TBL1X: variants seen among roughly 807,000 people sequenced by gnomAD.
TBL1X encodes F-box-like/WD repeat-containing protein TBL1X.
A neutral mutation model predicts 50.7 loss-of-function variants in TBL1X; 10 were observed. The ratio of observed to expected loss-of-function variants is 0.20; its 90% CI spans 0.12 to 0.33. The LOEUF is 0.33. Among genes scored for constraint, TBL1X ranks in the 10% least tolerant of loss-of-function variants. The probability of loss-of-function intolerance (pLI) is 1.00; values close to 1 mark genes in which losing one functional copy is unlikely to be tolerated. For synonymous variants in TBL1X, 190 were observed against 214.7 expected, an observed-to-expected ratio of 0.88 and a Z score of 1.01; for missense variants, 340 against 504.4, an observed-to-expected ratio of 0.67 and a Z score of 3.12.
intron 2 of TBL1X, among the ~76,000 whole-genome samples, chrX:9,579,486 A>T (rs1201163227): frequency 8.9e-6 from 1 of 112,196 alleles, no homozygotes; most frequent in East Asian, 2.8e-4. Flanking sequence ...GATCTCTTAC[A>T]TGAGCCAAGA....
chrX:9,661,314 G>C (rs922139774), intron 5 of TBL1X, among the ~76,000 whole-genome samples: 3 of 112,114 alleles, frequency 2.7e-5, no homozygotes, highest in African/African-American at 9.7e-5. Context: ...TTGGGAGGTT[G>C]AGGTGGGTGG....
At chrX:9,563,855 G>A (rs1027744717) in intron 2 of TBL1X, among the ~76,000 whole-genome samples, 1 of 112,173 alleles carries the variant, frequency 8.9e-6, no homozygotes, top group Non-Finnish European at 1.9e-5. Flanking sequence ...GGGACTAGGG[G>A]GCAATGCAGA....
rs770563689 is a variant in TBL1X, at chrX:9,468,098, G to GT, written c.-201+2653dup. On this transcript the variant is annotated intron_variant, in intron 1 of 17. Coordinates refer to ENST00000645353, the MANE Select transcript of TBL1X (RefSeq NM_005647.4). ...CAAATGGAATTGGAACAAATTTAAA[G>GT]TTAAGATGGAAGAGAGAATATGTTG... Among the ~76,000 whole-genome samples the GT allele has an allele frequency of 1.5e-4, 17 of 112,372 alleles. No individual in the cohort carries two copies. The East Asian group carries it at 4.5e-3, about 30-fold the overall frequency.
intron 15 of TBL1X, among the ~76,000 whole-genome samples, chrX:9,710,461 CTGTGATATAG>C (rs763117317): frequency 5.4e-4 from 60 of 111,279 alleles, no homozygotes; most frequent in African/African-American, 1.8e-3. Context: ...ACTTAAAGTA[CTGTGATATAG>C]TGTGATATAG....
chrX:9,631,425 G>A (rs1032308268), intron 2 of TBL1X, among the ~76,000 whole-genome samples: 4 of 111,677 alleles, frequency 3.6e-5, no homozygotes, highest in African/African-American at 6.5e-5. Flanking sequence ...CTTTTTCCTC[G>A]GTTCCTGTGT....
intron 2 of TBL1X, among the ~76,000 whole-genome samples, chrX:9,615,437 C>G (rs919146410): frequency 8.9e-6 from 1 of 111,967 alleles, no homozygotes; most frequent in Non-Finnish European, 1.9e-5. Context: ...CCCTAGTCCC[C>G]ATCCTCATTC....
At chrX:9,666,689 G>A (rs1264790179) in intron 5 of TBL1X, among the ~76,000 whole-genome samples, 2 of 111,281 alleles carry the variant, frequency 1.8e-5, no homozygotes, top group African/African-American at 6.5e-5. Context: ...CTGGGGACAC[G>A]TGGAATTAGC....
intron 2 of TBL1X, among the ~76,000 whole-genome samples, chrX:9,620,406 G>A (rs745927115): frequency 2.6e-4 from 29 of 112,739 alleles, no homozygotes; most frequent in Non-Finnish European, 4.9e-4. Context: ...CCCCTGCCCT[G>A]ATGGAGCTTG....
chrX:9,665,471 TAAA>T (rs2082921829), intron 5 of TBL1X, among the ~76,000 whole-genome samples: 1 of 59,765 alleles, frequency 1.7e-5, no homozygotes, highest in Non-Finnish European at 3.0e-5. Flanking sequence ...TCAACTTAAT[TAAA>T]AACTGATATT....
At chrX:9,604,930 A>G (rs1002913471) in intron 2 of TBL1X, among the ~76,000 whole-genome samples, 1 of 110,880 alleles carries the variant, frequency 9.0e-6, no homozygotes, top group Admixed American at 9.6e-5. Context: ...ATCCTCTGGG[A>G]GAGGCTTGGG....
At chrX:9,514,642 C>A (rs1486098625) in intron 2 of TBL1X, among the ~76,000 whole-genome samples, 2 of 112,226 alleles carry the variant, frequency 1.8e-5, no homozygotes, top group Non-Finnish European at 3.8e-5. Context: ...TGTCAGATCC[C>A]AGTACTGTGT....
At position 9,616,514 on chromosome X, in the gene TBL1X, G is replaced by A. The variant is rs757781039; in HGVS notation, c.-130-23759G>A. The stretch of plus-strand genomic sequence containing the variant: ...TAGAAAACATAATGCTTTTCCCTAG[G>A]CATGAACTCGCTTAAAACTACTGAG... On this transcript the variant is annotated intron_variant, in intron 2 of 17. Transcript: ENST00000645353. Among the ~76,000 whole-genome samples the A allele has an allele frequency of 3.7e-4, 41 of 111,645 alleles. 1 individual carries two copies. The highest frequency in any genetic ancestry group is 1.9e-4 in the Non-Finnish European group (10 of 53,121).
intron 16 of TBL1X, among the ~76,000 whole-genome samples, chrX:9,712,858 C>T (rs181907789): frequency 1.8e-5 from 2 of 111,172 alleles, no homozygotes; most frequent in East Asian, 2.8e-4. Flanking sequence ...GCCATCAGCA[C>T]GTGATTCTAG....
intron 2 of TBL1X, 48 bp downstream of exon 2, chrX:9,501,897 C>T (rs1005649830): frequency 9.0e-6 from 1 of 110,706 alleles, no homozygotes; most frequent in Non-Finnish European, 1.9e-5. Flanking sequence ...GAAATTCTTT[C>T]CTGTGAGATT....
At chrX:9,464,794 G>T (rs768810682), upstream of TBL1X, among the ~76,000 whole-genome samples, 2 of 111,343 alleles carry the variant, frequency 1.8e-5, no homozygotes, top group East Asian at 5.8e-4. Context: ...CCCTAGGCGT[G>T]GGGGAGCGGG....
At chrX:9,692,345 T>C in intron 9 of TBL1X, 91 bp downstream of exon 9, 1 of 1,076,587 alleles carries the variant, frequency 9.3e-7, no homozygotes, top group African/African-American at 1.9e-5. Context: ...CATGCAGACA[T>C]AGGAGGCAGG....
intron 2 of TBL1X, among the ~76,000 whole-genome samples, chrX:9,548,352 C>G (rs755756686): frequency 8.9e-6 from 1 of 111,929 alleles, no homozygotes; most frequent in South Asian, 3.7e-4. Flanking sequence ...TTTTACTCAC[C>G]TCTTCAGTTC....
chrX:9,490,972 A>G (rs2081938270), intron 1 of TBL1X, among the ~76,000 whole-genome samples: 1 of 110,487 alleles, frequency 9.1e-6, no homozygotes, highest in Admixed American at 9.7e-5. Flanking sequence ...AAATTCTTAA[A>G]AAATTTGTTT....
In TBL1X at chrX:9,692,218, C is replaced by A. The variant is rs1271734628; in HGVS notation, c.855C>A (p.Val285=). Residue 285 remains valine (V), a synonymous_variant, in exon 9 of 18, where the codon GTC becomes GTA. Coordinates refer to ENST00000645353, the MANE Select transcript of TBL1X (RefSeq NM_005647.4). Reference sequence around the variant, plus strand: ...GTATACGAGAGGGGGGCCATGACGTCCCGAGTAACAAAGACGTCACCTCAC... The same window carrying A: ...GTATACGAGAGGGGGGCCATGACGTACCGAGTAACAAAGACGTCACCTCAC... ...RHCIREGGHD[V]PSNKDVTSLD... The A allele has an allele frequency of 3.3e-6, 4 of 1,199,950 alleles. No homozygotes were observed. Among genetic ancestry groups the A allele is most frequent in the Non-Finnish European group, 4.5e-6 (4 of 891,413 alleles).
Sources: gnomAD v4.1 joint callset for allele counts (sites outside exome capture counted in the v4.1 genomes callset) on GRCh38, gnomAD v4.1.1 for gene constraint, MANE v1.5 for transcripts, NCBI Gene and HGNC (gene_info 2026-07-23, HGNC 2026-07-21) for gene names.